ZBTB20: variants seen among roughly 807,000 people sequenced by gnomAD.
The protein encoded by ZBTB20 is zinc finger and BTB domain-containing protein 20.
A neutral mutation model predicts 56.9 loss-of-function variants in ZBTB20; 9 were observed. The observed-to-expected ratio is 0.16, with a 90% CI of 0.10 to 0.28. ZBTB20 has a LOEUF of 0.28. ZBTB20 is among the 10% of genes least tolerant of loss of function. The probability of loss-of-function intolerance (pLI) is 1.00; values close to 1 mark genes in which losing one functional copy is unlikely to be tolerated. For missense variants in ZBTB20, 655 were observed against 1,003.0 expected (o/e 0.65, Z 4.69); for synonymous variants, 417 against 420.7 (o/e 0.99, Z 0.11).
intron 7 of ZBTB20, among the ~76,000 whole-genome samples, chr3:114,481,097 C>T (rs1174961948): frequency 6.6e-6 from 1 of 151,902 alleles, no homozygotes; most frequent in African/African-American, 2.4e-5. Context: ...AAATCTGTTT[C>T]ATTATAGAAG....
intron 10 of ZBTB20, among the ~76,000 whole-genome samples, chr3:114,368,490 C>T (rs1476271597): frequency 1.3e-5 from 2 of 152,180 alleles, no homozygotes; most frequent in East Asian, 3.8e-4. Flanking sequence ...CTCCTCATTG[C>T]TTCTAAGTTC....
At chr3:114,539,546 T>C (rs565845923) in intron 6 of ZBTB20, among the ~76,000 whole-genome samples, 34 of 152,258 alleles carry the variant, frequency 2.2e-4, no homozygotes, top group Admixed American at 1.9e-3. Context: ...GGATCACACA[T>C]GGTAAGCCTC....
At chr3:114,962,458 T>A (rs1021091338) in intron 3 of ZBTB20, among the ~76,000 whole-genome samples, 3 of 152,130 alleles carry the variant, frequency 2.0e-5, no homozygotes, top group African/African-American at 7.2e-5. Context: ...CCGATAGATT[T>A]TGAAGGAAAT....
At chr3:114,880,865 A>T (rs1191252845) in intron 4 of ZBTB20, among the ~76,000 whole-genome samples, 3 of 152,140 alleles carry the variant, frequency 2.0e-5, no homozygotes, top group Non-Finnish European at 4.4e-5. Flanking sequence ...ATACATATAC[A>T]CACCAAAATA....
At chr3:114,373,327 G>A (rs955808382) in intron 10 of ZBTB20, among the ~76,000 whole-genome samples, 21 of 152,172 alleles carry the variant, frequency 1.4e-4, no homozygotes, top group African/African-American at 4.8e-4. Context: ...AAATGTCTCT[G>A]AAATGGATAT....
intron 8 of ZBTB20, among the ~76,000 whole-genome samples, chr3:114,384,261 G>A (rs1177549756): frequency 6.6e-6 from 1 of 151,770 alleles, no homozygotes; most frequent in Non-Finnish European, 1.5e-5. Context: ...GAAAAAGTTA[G>A]ACAAGCCAAC....
At chr3:114,580,380 A>T (rs980329212) in intron 6 of ZBTB20, among the ~76,000 whole-genome samples, 2 of 151,706 alleles carry the variant, frequency 1.3e-5, no homozygotes, top group African/African-American at 4.8e-5. Flanking sequence ...AATAATTTCG[A>T]TTTCTCAAAA....
At chr3:114,865,905 A>G (rs1333040423) in intron 4 of ZBTB20, among the ~76,000 whole-genome samples, 2 of 152,246 alleles carry the variant, frequency 1.3e-5, no homozygotes. Flanking sequence ...AGATAAGTTA[A>G]CTAACTTGCC....
chr3:114,959,484 A>C (rs551083576), intron 3 of ZBTB20, among the ~76,000 whole-genome samples: 11 of 152,154 alleles, frequency 7.2e-5, no homozygotes, highest in Non-Finnish European at 1.6e-4. Context: ...AAGACATTAG[A>C]TATTTGGAAA....
chr3:114,577,827 G>GT (rs1219685479), intron 6 of ZBTB20, among the ~76,000 whole-genome samples: 5 of 152,224 alleles, frequency 3.3e-5, no homozygotes, highest in African/African-American at 1.2e-4. Context: ...AGCTACCATT[G>GT]TAAGATCTGG....
At chr3:114,995,917 C>T (rs2079007552) in intron 2 of ZBTB20, among the ~76,000 whole-genome samples, 1 of 151,762 alleles carries the variant, frequency 6.6e-6, no homozygotes, top group Admixed American at 6.6e-5. Context: ...TCCCCTTTAC[C>T]TTCTCCCAAC....
intron 4 of ZBTB20, among the ~76,000 whole-genome samples, chr3:114,875,083 T>C (rs1207031232): frequency 6.6e-6 from 1 of 152,114 alleles, no homozygotes; most frequent in African/African-American, 2.4e-5. Context: ...TAATAAGGAA[T>C]GACTGCCGTG....
rs530391421 is a variant in ZBTB20, at chr3:114,316,613, A to G, written c.*22392T>C. 42 of 528,572 alleles carry G rather than the reference A, an allele frequency of 7.9e-5. No individual in the cohort carries two copies. Among genetic ancestry groups the G allele is most frequent in the Middle Eastern group, 6.4e-4 (2 of 3,120 alleles). 32.7% of individuals were successfully genotyped at this position (528,572 alleles called of 1,614,324 possible). ...CTGAACTGGGTTCAGACACTAGCAC[A>G]TGCTTAACTTTCCCCTGCTCCCTCT... On this transcript the variant is annotated 3_prime_UTR_variant, in exon 12 of 12. Transcript: ENST00000675478.
intron 5 of ZBTB20, among the ~76,000 whole-genome samples, chr3:114,789,000 C>T (rs77765811): frequency 0.032 from 4,897 of 152,178 alleles, 134 homozygotes; most frequent in African/African-American, 0.069. Flanking sequence ...CAAGTACCTC[C>T]CACTGGGTGC....
At chr3:114,646,235 G>A (rs1220750741) in intron 6 of ZBTB20, among the ~76,000 whole-genome samples, 1 of 151,798 alleles carries the variant, frequency 6.6e-6, no homozygotes, top group East Asian at 1.9e-4. Context: ...CCCTGTCCTT[G>A]ATGCCCTCAC....
intron 4 of ZBTB20, among the ~76,000 whole-genome samples, chr3:114,882,399 T>C (rs901040916): frequency 3.3e-5 from 5 of 152,000 alleles, no homozygotes; most frequent in Non-Finnish European, 7.4e-5. Flanking sequence ...TTAACAGGCA[T>C]CAAAATTTTA....
intron 5 of ZBTB20, among the ~76,000 whole-genome samples, chr3:114,702,998 G>A (rs1008564612): frequency 2.0e-5 from 3 of 151,884 alleles, no homozygotes; most frequent in Non-Finnish European, 2.9e-5. Flanking sequence ...ACAAATTTGT[G>A]TGTGTGTGTG....
chr3:114,878,689 C>T (rs1052148452), intron 4 of ZBTB20, among the ~76,000 whole-genome samples: 2 of 151,970 alleles, frequency 1.3e-5, no homozygotes, highest in African/African-American at 4.8e-5. Context: ...CTCTCTGTAG[C>T]TCTCATCCTT....
chr3:114,577,162 T>C (rs938639974), intron 6 of ZBTB20, among the ~76,000 whole-genome samples: 2 of 152,124 alleles, frequency 1.3e-5, no homozygotes. Context: ...GAAAAAATAA[T>C]ATGTAATGCT....
Sources: gnomAD v4.1 joint callset for allele counts (sites outside exome capture counted in the v4.1 genomes callset) on GRCh38, gnomAD v4.1.1 for gene constraint, MANE v1.5 for transcripts, NCBI Gene and HGNC (gene_info 2026-07-23, HGNC 2026-07-21) for gene names.